METTL15: variants seen among roughly 807,000 people sequenced by gnomAD.
METTL15 encodes methyltransferase 15, mitochondrial 12S rRNA N4-cytidine, also known as 12S rRNA N(4)-cytidine methyltransferase METTL15.
Under a neutral mutation model 38.3 loss-of-function variants are expected in METTL15, and 34 were observed. The observed-to-expected ratio is 0.89, with a 90% CI of 0.68 to 1.18. The LOEUF is 1.18. Among genes scored for constraint, METTL15 ranks in the 50% most tolerant of loss-of-function variants. The pLI is 0.00. For missense variants in METTL15, 438 were observed against 498.4 expected, an observed-to-expected ratio of 0.88 and a Z score of 1.15; for synonymous variants, 162 against 170.9, an observed-to-expected ratio of 0.95 and a Z score of 0.41.
chr11:28,435,862 G>A (rs1850977988), intron 6 of METTL15, among the ~76,000 whole-genome samples: 1 of 152,074 alleles, frequency 6.6e-6, no homozygotes, highest in African/African-American at 2.4e-5. Context: ...CTGTGATTTT[G>A]TCTTTGCCCC....
At chr11:28,484,063 A>T (rs981065484) in intron 6 of METTL15, among the ~76,000 whole-genome samples, 8 of 152,166 alleles carry the variant, frequency 5.3e-5, no homozygotes, top group African/African-American at 1.9e-4. Flanking sequence ...GAAGATATAT[A>T]TGCATATAGA....
rs758635779 is a variant in METTL15, at chr11:28,113,594, A to G, written c.260A>G (p.Gln87Arg). Residue 87 changes from glutamine (Q) to arginine (R), a missense_variant, in exon 3 of 7, where the codon CAA becomes CGA. Physicochemically the swap from Gln to Arg is conservative, Grantham distance 43 (BLOSUM62 1). Coordinates refer to ENST00000407364, the MANE Select transcript of METTL15 (RefSeq NM_001113528.2). ...GAAGTTGTTCATTGTTTGTCACCAC[A>G]AAAAGGACAGGTGAGTTGAATTTTT... is the stretch of plus-strand genomic sequence containing the variant. The part of the protein sequence containing the change: ...VDEVVHCLSP[Q>R]KGQIFLDMTF... 4 of 1,609,444 alleles carry G rather than the reference A, an allele frequency of 2.5e-6. No homozygotes were observed. The highest frequency in any genetic ancestry group is 2.7e-5 in the African/African-American group (2 of 74,778).
chr11:28,142,183 C>G (rs997396730), intron 3 of METTL15, among the ~76,000 whole-genome samples: 1 of 152,178 alleles, frequency 6.6e-6, no homozygotes, highest in Non-Finnish European at 1.5e-5. Flanking sequence ...AATTGTACAA[C>G]ACTTCATTCC....
At chr11:28,440,380 C>A (rs1267043172) in intron 6 of METTL15, among the ~76,000 whole-genome samples, 1 of 151,524 alleles carries the variant, frequency 6.6e-6, no homozygotes, top group Non-Finnish European at 1.5e-5. Flanking sequence ...TAACTTTTTG[C>A]CACAAAAGAA....
chr11:28,499,784 G>A (rs192760420), intron 6 of METTL15, among the ~76,000 whole-genome samples: 1 of 152,268 alleles, frequency 6.6e-6, no homozygotes, highest in East Asian at 1.9e-4. Context: ...AAATTTCAGT[G>A]TCCAAGTTTC....
chr11:28,454,423 T>C (rs1048812288), intron 6 of METTL15, among the ~76,000 whole-genome samples: 11 of 152,256 alleles, frequency 7.2e-5, no homozygotes, highest in African/African-American at 2.4e-4. Flanking sequence ...ATAGTCTTCT[T>C]AATAGAAGTT....
At chr11:28,160,881 G>A (rs1484290947) in intron 3 of METTL15, among the ~76,000 whole-genome samples, 2 of 151,868 alleles carry the variant, frequency 1.3e-5, no homozygotes, top group Admixed American at 1.3e-4. Flanking sequence ...TCTTCATTTA[G>A]TACATTGATT....
chr11:28,500,663 T>A (rs534240244), intron 6 of METTL15, among the ~76,000 whole-genome samples: 1 of 152,192 alleles, frequency 6.6e-6, no homozygotes, highest in African/African-American at 2.4e-5. Flanking sequence ...ACTGGGACTA[T>A]AGGCATTCAC....
chr11:28,112,178 T>G (rs953173038), intron 2 of METTL15, among the ~76,000 whole-genome samples: 4 of 152,198 alleles, frequency 2.6e-5, no homozygotes, highest in African/African-American at 7.2e-5. Context: ...GATTTATGCT[T>G]CTTGTAGTAT....
At chr11:28,337,017 C>T (rs1849906707), downstream of METTL15, among the ~76,000 whole-genome samples, 1 of 151,904 alleles carries the variant, frequency 6.6e-6, no homozygotes, top group Non-Finnish European at 1.5e-5. Context: ...TCATCCTGAC[C>T]CTATGTACAT....
chr11:28,432,402 A>G (rs770210305), intron 6 of METTL15, among the ~76,000 whole-genome samples: 8 of 152,214 alleles, frequency 5.3e-5, no homozygotes, highest in Non-Finnish European at 8.8e-5. Flanking sequence ...ACATGATTGG[A>G]AATGGCCATT....
At chr11:28,248,655 TGG>T in intron 4 of METTL15, among the ~76,000 whole-genome samples, 1 of 152,122 alleles carries the variant, frequency 6.6e-6, no homozygotes, top group African/African-American at 2.4e-5. Flanking sequence ...TGGCATTTTA[TGG>T]GTAGATAACT....
At chr11:28,283,321 G>T (rs753477805) in intron 4 of METTL15, among the ~76,000 whole-genome samples, 6 of 152,082 alleles carry the variant, frequency 3.9e-5, no homozygotes, top group Non-Finnish European at 7.4e-5. Flanking sequence ...GACAGCAAAA[G>T]TACCCTTTTA....
chr11:28,392,459 A>G (rs1342508679), intron 5 of METTL15, among the ~76,000 whole-genome samples: 2 of 152,110 alleles, frequency 1.3e-5, no homozygotes, highest in East Asian at 1.9e-4. Context: ...GATCTTAAAC[A>G]AGGGTGCCAA....
chr11:28,402,050 G>A (rs990210845), intron 5 of METTL15, among the ~76,000 whole-genome samples: 2 of 151,960 alleles, frequency 1.3e-5, no homozygotes. Flanking sequence ...GAGTGTTTTG[G>A]TAGTTTCTAG....
chr11:28,141,356 T>C (rs1849692770), intron 3 of METTL15, among the ~76,000 whole-genome samples: 1 of 152,066 alleles, frequency 6.6e-6, no homozygotes, highest in Admixed American at 6.6e-5. Flanking sequence ...CTGAAAAATA[T>C]CTGAAAGATC....
At chr11:28,454,345 C>A (rs1851149759) in intron 6 of METTL15, among the ~76,000 whole-genome samples, 1 of 152,182 alleles carries the variant, frequency 6.6e-6, no homozygotes, top group African/African-American at 2.4e-5. Context: ...ACATCTCTGA[C>A]TTATAGAAAA....
intron 3 of METTL15, among the ~76,000 whole-genome samples, chr11:28,345,933 G>T (rs751334074): frequency 1.3e-5 from 2 of 152,122 alleles, no homozygotes. Context: ...ATAATGAAAG[G>T]TATTAAATGA....
At chr11:28,530,417 A>G (rs973634255), downstream of METTL15, among the ~76,000 whole-genome samples, 1 of 152,166 alleles carries the variant, frequency 6.6e-6, no homozygotes, top group Non-Finnish European at 1.5e-5. Context: ...ATCTCCTTCA[A>G]TTTTTGACTT....
Sources: allele counts gnomAD v4.1 joint callset (sites outside exome capture counted in the v4.1 genomes callset), GRCh38; gene constraint gnomAD v4.1.1; transcripts MANE v1.5; gene names NCBI Gene and HGNC (gene_info 2026-07-23, HGNC 2026-07-21).